Variants in CCM2 observed in about 807,000 individuals in gnomAD.
The protein encoded by CCM2 is cerebral cavernous malformations 2 protein.
In CCM2, 25 loss-of-function variants were observed where a neutral mutation model predicts 44.9. The observed-to-expected ratio is 0.56, with a 90% CI of 0.41 to 0.78. The LOEUF is 0.78. Among genes scored for constraint, CCM2 ranks in the 30% least tolerant of loss-of-function variants. The probability of loss-of-function intolerance (pLI) is 0.00; values close to 1 mark genes in which losing one functional copy is unlikely to be tolerated. For synonymous variants in CCM2, 219 were observed against 241.1 expected (o/e 0.91, Z 0.85); for missense variants, 481 against 580.6 (o/e 0.83, Z 1.76).
At chr7:45,056,489 C>T (rs536823122) in intron 2 of CCM2, among the ~76,000 whole-genome samples, 15 of 152,174 alleles carry the variant, frequency 9.9e-5, no homozygotes, top group Non-Finnish European at 1.6e-4. Context: ...ACCCCACCCC[C>T]GTCACTATTA....
intron 1 of CCM2, among the ~76,000 whole-genome samples, chr7:45,029,989 A>G (rs1030294980): frequency 2.0e-5 from 3 of 152,198 alleles, no homozygotes; most frequent in African/African-American, 7.2e-5. Context: ...GGTGGCATAT[A>G]TTCCATATGG....
chr7:45,027,327 TCA>T, intron 1 of CCM2: 3 of 353,700 alleles, frequency 8.5e-6, no homozygotes, highest in South Asian at 6.9e-5. Context: ...TGGTAGCCCC[TCA>T]CAGTGCTTTC....
At chr7:45,026,028 ATG>A (rs1796676873) in intron 1 of CCM2, among the ~76,000 whole-genome samples, 1 of 152,150 alleles carries the variant, frequency 6.6e-6, no homozygotes, top group African/African-American at 2.4e-5. Flanking sequence ...TGTTCAGAGC[ATG>A]TGGGTTTTCT....
chr7:45,016,694 G>A (rs189811524), intron 1 of CCM2, among the ~76,000 whole-genome samples: 41 of 149,164 alleles, frequency 2.7e-4, no homozygotes, highest in Admixed American at 9.4e-4. Flanking sequence ...GTGCAGTGGC[G>A]CGATCCTGGC....
At chr7:45,037,955 C>T (rs1345989994) in intron 1 of CCM2, among the ~76,000 whole-genome samples, 1 of 152,206 alleles carries the variant, frequency 6.6e-6, no homozygotes, top group Non-Finnish European at 1.5e-5. Context: ...CCCCTTCTAT[C>T]ATTGTCTTGC....
chr7:45,037,027 C>G (rs1797253349), intron 1 of CCM2, among the ~76,000 whole-genome samples: 1 of 151,930 alleles, frequency 6.6e-6, no homozygotes, highest in South Asian at 2.1e-4. Flanking sequence ...TTTTTGCAGG[C>G]CTGCGTGATG....
upstream of CCM2, chr7:44,999,787 A>G: frequency 2.2e-6 from 1 of 450,838 alleles, no homozygotes; most frequent in Non-Finnish European, 4.4e-6. Context: ...GGCAAATTGA[A>G]AAAGTTGGAG....
At chr7:45,014,901 C>T (rs1397599398) in intron 1 of CCM2, among the ~76,000 whole-genome samples, 2 of 152,072 alleles carry the variant, frequency 1.3e-5, no homozygotes, top group East Asian at 1.9e-4. Flanking sequence ...GAATTTCAGG[C>T]GTGAGCCACC....
chr7:45,024,966 T>C lies in CCM2; in HGVS notation c.31-13287T>C, dbSNP rs148614688. ...TGTGTCCCTCTTTGATTCTGCCTGC[T>C]CTTATTCTCCTCTTAGGAAACTGTT... On this transcript the variant is annotated intron_variant, in intron 1 of 9. Coordinates refer to ENST00000258781, the MANE Select transcript of CCM2 (RefSeq NM_031443.4). 2.6e-3 allele frequency among the ~76,000 whole-genome samples: 397 copies of C among 152,344 alleles called. 1 individual carries two copies. Among genetic ancestry groups the C allele is most frequent in the Non-Finnish European group, 4.3e-3 (294 of 68,034 alleles).
intron 1 of CCM2, among the ~76,000 whole-genome samples, chr7:45,008,353 G>GTTTTTT (rs1795930876): frequency 8.4e-6 from 1 of 119,282 alleles, no homozygotes; most frequent in Non-Finnish European, 1.7e-5. Context: ...AAGGGTACAT[G>GTTTTTT]TTCTTTTTTT....
At chr7:45,042,349 G>A (rs865988151) in intron 2 of CCM2, among the ~76,000 whole-genome samples, 6 of 151,746 alleles carry the variant, frequency 4.0e-5, no homozygotes, top group African/African-American at 1.5e-4. Flanking sequence ...CCTGAAAAGA[G>A]AGGAGAAAGA....
intron 1 of CCM2, among the ~76,000 whole-genome samples, chr7:45,035,913 G>A (rs73107935): frequency 0.096 from 14,660 of 152,144 alleles, 914 homozygotes; most frequent in Admixed American, 0.16. Flanking sequence ...AAATTAACTG[G>A]TATATATTTT....
intron 2 of CCM2, among the ~76,000 whole-genome samples, chr7:45,039,382 T>C (rs1474065610): frequency 2.6e-5 from 4 of 152,222 alleles, no homozygotes; most frequent in Admixed American, 6.5e-5. Flanking sequence ...AGGGTGCTCA[T>C]TGGGGAAGTT....
chr7:45,021,516 A>G (rs1261345882), intron 1 of CCM2, among the ~76,000 whole-genome samples: 2 of 151,856 alleles, frequency 1.3e-5, no homozygotes, highest in South Asian at 4.1e-4. Flanking sequence ...GTGAGCTGAG[A>G]TCGCGCCACT....
At position 45,064,491 on chromosome 7, in the gene CCM2, C is replaced by CA; in HGVS notation, c.317_318insA (p.Gln107SerfsTer32). 1 of 1,613,606 alleles carries CA rather than the reference C, an allele frequency of 6.2e-7. No homozygotes were observed. Among genetic ancestry groups the CA allele is most frequent in the Non-Finnish European group, 8.5e-7 (1 of 1,179,902 alleles). On this transcript the variant is annotated frameshift_variant, in exon 4 of 10. Transcript: ENST00000258781. LOFTEE classifies it high-confidence loss of function. ...GCCCACCAGCTTCCGGGACACTTGACTCAGGAGCACGATGCTGTGCTCAGC... is the reference window on the plus strand; with the variant it reads ...GCCCACCAGCTTCCGGGACACTTGACATCAGGAGCACGATGCTGTGCTCAGC...
At chr7:45,018,993 C>T (rs1443123490) in intron 1 of CCM2, among the ~76,000 whole-genome samples, 4 of 150,694 alleles carry the variant, frequency 2.7e-5, no homozygotes, top group East Asian at 3.9e-4. Flanking sequence ...CTCCTGACCT[C>T]AGATGATCTG....
chr7:45,037,035 A>C (rs1281596702), intron 1 of CCM2, among the ~76,000 whole-genome samples: 1 of 151,802 alleles, frequency 6.6e-6, no homozygotes, highest in Non-Finnish European at 1.5e-5. Flanking sequence ...GGCCTGCGTG[A>C]TGTTTCCTTG....
intron 7 of CCM2, chr7:45,073,083 G>T: frequency 1.7e-6 from 1 of 589,062 alleles, no homozygotes; most frequent in Non-Finnish European, 3.0e-6. Flanking sequence ...GCCTGCCGAG[G>T]CGCTGGCCTT....
At chr7:45,051,332 A>G (rs1006668690) in intron 2 of CCM2, among the ~76,000 whole-genome samples, 6 of 152,192 alleles carry the variant, frequency 3.9e-5, no homozygotes, top group Non-Finnish European at 7.3e-5. Context: ...TCAGGGTGTC[A>G]TCTCCCAGCT....
Sources: allele counts gnomAD v4.1 joint callset (sites outside exome capture counted in the v4.1 genomes callset), GRCh38; gene constraint gnomAD v4.1.1; transcripts MANE v1.5; gene names NCBI Gene and HGNC (gene_info 2026-07-23, HGNC 2026-07-21).